DCN: variants seen among roughly 807,000 people sequenced by gnomAD.
DCN encodes the protein decorin.
In DCN, 17 loss-of-function variants were observed where a neutral mutation model predicts 36.5. The ratio of observed to expected loss-of-function variants is 0.47; its 90% CI spans 0.32 to 0.70. The LOEUF is 0.70. Ranked by LOEUF, DCN falls within the 30% of genes least tolerant of loss-of-function variation. The probability of loss-of-function intolerance (pLI) is 0.04; values close to 1 mark genes in which losing one functional copy is unlikely to be tolerated. For synonymous variants in DCN, 163 were observed against 161.4 expected (o/e 1.01, Z -0.07); for missense variants, 389 against 430.1 (o/e 0.90, Z 0.84).
At chr12:91,156,322 A>G (rs757368719) in intron 5 of DCN, among the ~76,000 whole-genome samples, 2 of 152,132 alleles carry the variant, frequency 1.3e-5, no homozygotes, top group Non-Finnish European at 2.9e-5. Flanking sequence ...GCCTACACAT[A>G]CTGATTGTTC....
chr12:91,158,611 A>C lies in DCN; in HGVS notation c.325-102T>G. The C allele has an allele frequency of 4.0e-6, 3 of 744,280 alleles. No homozygotes were observed. The South Asian group carries it at 4.5e-5, about 11-fold the overall frequency. The allele number at this position is 744,280 out of a possible 1,614,324, so 46.1% of individuals were successfully genotyped here. A position where few individuals can be genotyped will look rare whatever the true frequency, so the allele number is the denominator to read the frequency against. ...ATTCCATTCATAGGGATAGCAGAGAAATCTAAAAAATTGCAAGAAATCAGA... is the reference window on the plus strand; with the variant it reads ...ATTCCATTCATAGGGATAGCAGAGACATCTAAAAAATTGCAAGAAATCAGA... On this transcript the variant is annotated intron_variant, in intron 3 of 7. Transcript: ENST00000052754.
chr12:91,168,620 C>A (rs937658461), intron 2 of DCN, among the ~76,000 whole-genome samples: 1 of 152,156 alleles, frequency 6.6e-6, no homozygotes, highest in Admixed American at 6.5e-5. Context: ...GCTTTGAGAT[C>A]ATTTCTGCCA....
At chr12:91,175,743 C>A (rs930171156) in intron 2 of DCN, 1 of 151,950 alleles carries the variant, frequency 6.6e-6, no homozygotes, top group Admixed American at 6.6e-5. Flanking sequence ...ATTTGCCATC[C>A]CCAACTGCAT....
intron 2 of DCN, among the ~76,000 whole-genome samples, chr12:91,164,985 G>A (rs1347227143): frequency 6.6e-6 from 1 of 152,116 alleles, no homozygotes; most frequent in African/African-American, 2.4e-5. Flanking sequence ...GGGAACATTT[G>A]TGTTGCATTA....
intron 3 of DCN, among the ~76,000 whole-genome samples, chr12:91,159,922 C>T (rs1882054080): frequency 6.6e-6 from 1 of 151,816 alleles, no homozygotes; most frequent in African/African-American, 2.4e-5. Context: ...CAAAAGGGGA[C>T]CTATAATAGG....
At chr12:91,177,568 C>G (rs1376849731) in intron 2 of DCN, 3 of 702,266 alleles carry the variant, frequency 4.3e-6, no homozygotes, top group Non-Finnish European at 7.8e-6. Flanking sequence ...GAGCTTCAAT[C>G]TTTCTGGAGA....
chr12:91,156,200 T>C (rs985105551), intron 5 of DCN, among the ~76,000 whole-genome samples: 6 of 152,148 alleles, frequency 3.9e-5, no homozygotes, highest in African/African-American at 1.2e-4. Flanking sequence ...AACTTACCCT[T>C]GTGGCTATGT....
intron 3 of DCN, 90 bp downstream of exon 3, chr12:91,164,515 G>T (rs1404365750): frequency 1.4e-6 from 1 of 702,646 alleles, no homozygotes; most frequent in Non-Finnish European, 2.6e-6. Flanking sequence ...TTCTTTGTTG[G>T]TACATAGTAC....
intron 4 of DCN, 53 bp downstream of exon 4, chr12:91,158,242 TC>T: frequency 9.0e-7 from 1 of 1,114,566 alleles, no homozygotes; most frequent in South Asian, 1.2e-5. Context: ...CCAGTTGAAA[TC>T]TCTTAAGATA....
chr12:91,164,519 A>G (rs570631485), intron 3 of DCN, 86 bp downstream of exon 3: 9 of 752,232 alleles, frequency 1.2e-5, no homozygotes, highest in Non-Finnish European at 1.9e-5. Flanking sequence ...TTGTTGGTAC[A>G]TAGTACTCTT....
At chr12:91,177,606 A>C in intron 2 of DCN, 1 of 702,502 alleles carries the variant, frequency 1.4e-6, no homozygotes, top group Non-Finnish European at 2.6e-6. Context: ...ATGCTCTTGG[A>C]ATTTCCAGAC....
intron 2 of DCN, among the ~76,000 whole-genome samples, chr12:91,173,803 G>A (rs139214005): frequency 6.6e-6 from 1 of 152,206 alleles, no homozygotes; most frequent in African/African-American, 2.4e-5. Flanking sequence ...CTTGTATAAG[G>A]TCTGCTTCTG....
intron 3 of DCN, among the ~76,000 whole-genome samples, chr12:91,162,784 AG>A (rs1472491838): frequency 6.6e-6 from 1 of 152,208 alleles, no homozygotes; most frequent in African/African-American, 2.4e-5. Context: ...TCTACTCACT[AG>A]GAGGATTCTG....
At chr12:91,148,971 A>G (rs1258962825) in intron 7 of DCN, among the ~76,000 whole-genome samples, 3 of 152,136 alleles carry the variant, frequency 2.0e-5, no homozygotes, top group Non-Finnish European at 2.9e-5. Context: ...AGTGATTAGC[A>G]AGTAAAGGAA....
intron 2 of DCN, among the ~76,000 whole-genome samples, chr12:91,166,678 T>A (rs1176505068): frequency 6.6e-6 from 1 of 151,330 alleles, no homozygotes; most frequent in Non-Finnish European, 1.5e-5. Context: ...GAATGATGTG[T>A]CTGGATGGCT....
rs1046788687 is a variant in DCN, at chr12:91,177,404, G to A, written c.211+938C>T. ...TGAAAGAAGTGCCTGATCATAGTAT[G>A]GAATTTCTTCCAGAAGGAAGTACAC... On this transcript the variant is annotated intron_variant, in intron 2 of 7. Coordinates refer to ENST00000052754, the MANE Select transcript of DCN (RefSeq NM_001920.5). 5 of 581,348 alleles carry A rather than the reference G, an allele frequency of 8.6e-6. No individual in the cohort carries two copies. In the Admixed American group the frequency reaches 1.6e-4, roughly 18 times the overall value. 36.0% of individuals were successfully genotyped at this position (581,348 alleles called of 1,614,324 possible). A position where few individuals can be genotyped will look rare whatever the true frequency, so the allele number is the denominator to read the frequency against.
rs1361186360 is a variant in DCN at position 91,164,420 on chromosome 12, AAAAG to A, written c.324+181_324+184del. On this transcript the variant is annotated intron_variant, in intron 3 of 7. Coordinates refer to ENST00000052754, the MANE Select transcript of DCN (RefSeq NM_001920.5). ...TAATTCAAAAAAAAAAAAAAAAAGA[AAAAG>A]AAAAACAGTGTTTGGGGCAGAATTA... Among the ~76,000 whole-genome samples, 7 of 147,310 alleles carry A rather than the reference AAAAG, an allele frequency of 4.8e-5. No homozygotes were observed. The East Asian group carries it at 1.4e-3, about 29-fold the overall frequency.
At chr12:91,158,653 A>G in intron 3 of DCN, 144 bp from the exon 4 acceptor site, 1 of 660,560 alleles carries the variant, frequency 1.5e-6, no homozygotes, top group East Asian at 2.7e-5. Flanking sequence ...TTAAGTAAGT[A>G]TTATTTCTTT....
At chr12:91,154,832 C>A (rs1053226904) in intron 5 of DCN, among the ~76,000 whole-genome samples, 1 of 152,048 alleles carries the variant, frequency 6.6e-6, no homozygotes, top group African/African-American at 2.4e-5. Context: ...TCCTAGTAGA[C>A]AGGGTTATTA....
Sources: allele counts gnomAD v4.1 joint callset (sites outside exome capture counted in the v4.1 genomes callset), GRCh38; gene constraint gnomAD v4.1.1; transcripts MANE v1.5; gene names NCBI Gene and HGNC (gene_info 2026-07-23, HGNC 2026-07-21).